The following STAB2 variants were observed in gnomAD, a reference collection of about 807,000 sequenced individuals.
STAB2 encodes stabilin-2.
A neutral mutation model predicts 338.1 loss-of-function variants in STAB2; 288 were observed. The ratio of observed to expected loss-of-function variants is 0.85; its 90% confidence interval spans 0.77 to 0.94. The LOEUF (loss-of-function observed/expected upper bound fraction) is 0.94. Among genes scored for constraint, STAB2 ranks in the 40% least tolerant of loss-of-function variants. The pLI, the probability that STAB2 is intolerant of heterozygous loss-of-function variation, is 0.00. For missense variants in STAB2, 3,141 were observed against 3,210.1 expected, an observed-to-expected ratio of 0.98 and a Z score of 0.52; for synonymous variants, 1,202 against 1,193.3, an observed-to-expected ratio of 1.01 and a Z score of -0.15.
chr12:103,610,068 G>A (rs1957097474), intron 3 of STAB2, among the ~76,000 whole-genome samples: 1 of 152,116 alleles, frequency 6.6e-6, no homozygotes, highest in Non-Finnish European at 1.5e-5. Flanking sequence ...GCTTTTTGAT[G>A]TGTTGCTGGA....
chr12:103,660,692 G>A lies in STAB2; in HGVS notation c.1798G>A (p.Ala600Thr). ...TCTCTTCTTATTGCAGCTTGAAGTG[G>A]CCACTCTCATCTCCACCCCTCACAT... ...HIVPFTQLEVATLISTPHIRS... is the reference protein window; with the variant it reads ...HIVPFTQLEVTTLISTPHIRS... The change falls in exon 17 of 69, where the codon GCC (alanine) becomes ACC (threonine). Residue 600 changes from alanine (A) to threonine (T), a missense_variant. Physicochemically the swap from Ala to Thr is moderately conservative, Grantham distance 58 (BLOSUM62 0). Transcript: ENST00000388887. 1.9e-6 allele frequency: 3 copies of A among 1,613,974 alleles called. No homozygotes were observed. Among genetic ancestry groups the A allele is most frequent in the South Asian group, 1.1e-5 (1 of 91,064 alleles).
chr12:103,721,439 C>T (rs1880754233), intron 44 of STAB2, among the ~76,000 whole-genome samples: 1 of 152,162 alleles, frequency 6.6e-6, no homozygotes, highest in Admixed American at 6.5e-5. Flanking sequence ...TGAGAGGGGC[C>T]AGATCACCTT....
chr12:103,760,387 C>A (rs181582686), intron 65 of STAB2, among the ~76,000 whole-genome samples: 5,876 of 152,192 alleles, frequency 0.039, 166 homozygotes, highest in Middle Eastern at 0.054. Context: ...CAGCCTCCCG[C>A]GTAGCTGGGA....
At chr12:103,741,327 T>TATC (rs1382405347) in intron 55 of STAB2, among the ~76,000 whole-genome samples, 15 of 152,354 alleles carry the variant, frequency 9.8e-5, no homozygotes, top group African/African-American at 3.6e-4. Flanking sequence ...TCAAAAGCAC[T>TATC]ATCTGCTACA....
At chr12:103,721,282 C>A (rs566500480) in intron 44 of STAB2, among the ~76,000 whole-genome samples, 2 of 152,098 alleles carry the variant, frequency 1.3e-5, no homozygotes, top group Non-Finnish European at 2.9e-5. Flanking sequence ...TGTTAAGAAG[C>A]GGGCAGCCAC....
intron 49 of STAB2, 140 bp downstream of exon 49, chr12:103,730,396 T>C (rs1881542334): frequency 1.0e-6 from 1 of 984,882 alleles, no homozygotes; most frequent in East Asian, 2.6e-5. Flanking sequence ...TAGTAAACAT[T>C]ATTCTTAGTA....
At chr12:103,674,529 C>G (rs1876147505) in intron 23 of STAB2, among the ~76,000 whole-genome samples, 1 of 152,212 alleles carries the variant, frequency 6.6e-6, no homozygotes, top group South Asian at 2.1e-4. Context: ...ACTTTCTAAC[C>G]TTTGAAGACA....
chr12:103,760,847 T>C (rs1017639832), intron 65 of STAB2, among the ~76,000 whole-genome samples: 2 of 152,244 alleles, frequency 1.3e-5, no homozygotes, highest in African/African-American at 4.8e-5. Flanking sequence ...TTTGTTAAAA[T>C]GAAGACGTGA....
chr12:103,660,982 C>T (rs1389051414), intron 17 of STAB2, among the ~76,000 whole-genome samples: 2 of 152,142 alleles, frequency 1.3e-5, no homozygotes, highest in East Asian at 1.9e-4. Context: ...AAAAGATAGA[C>T]TTCTATCCCA....
At chr12:103,743,893 ATCT>A (rs1882789279) in intron 56 of STAB2, among the ~76,000 whole-genome samples, 2 of 152,168 alleles carry the variant, frequency 1.3e-5, no homozygotes, top group Admixed American at 6.5e-5. Flanking sequence ...CAGGGGCCAG[ATCT>A]TCTTGGCCAA....
At chr12:103,660,915 G>C in intron 17 of STAB2, 152 bp downstream of exon 17, 3 of 837,120 alleles carry the variant, frequency 3.6e-6, no homozygotes, top group Non-Finnish European at 5.7e-6. Context: ...CAGCAGATAT[G>C]TGCTGAGCAA....
At chr12:103,638,322 G>T in intron 8 of STAB2, 110 bp downstream of exon 8, 4 of 1,265,310 alleles carry the variant, frequency 3.2e-6, no homozygotes, top group Non-Finnish European at 4.3e-6. Context: ...TCAATGTTCC[G>T]CTTGGTCTTC....
intron 67 of STAB2, 115 bp from the exon 68 acceptor site, chr12:103,763,377 G>A (rs1884683972): frequency 2.6e-6 from 2 of 772,688 alleles, no homozygotes; most frequent in Non-Finnish European, 4.4e-6. Flanking sequence ...ACAAAGTACT[G>A]TTAAAAAAGG....
At chr12:103,590,195 C>T (rs552272195) in intron 1 of STAB2, among the ~76,000 whole-genome samples, 1 of 152,278 alleles carries the variant, frequency 6.6e-6, no homozygotes, top group Non-Finnish European at 1.5e-5. Flanking sequence ...ATATCCACCA[C>T]CTTATGTTGC....
intron 42 of STAB2, among the ~76,000 whole-genome samples, chr12:103,715,309 AT>A (rs111345221): frequency 0.026 from 3,834 of 150,042 alleles, 162 homozygotes; most frequent in African/African-American, 0.087. Context: ...TTATACAGTT[AT>A]TTTTTTTTTC....
intron 25 of STAB2, among the ~76,000 whole-genome samples, chr12:103,680,946 G>A (rs1876843933): frequency 6.6e-6 from 1 of 152,254 alleles, no homozygotes; most frequent in African/African-American, 2.4e-5. Context: ...GTGAGGATAA[G>A]AGATTACCGT....
chr12:103,627,728 C>T (rs1304611960), intron 5 of STAB2, among the ~76,000 whole-genome samples: 1 of 152,180 alleles, frequency 6.6e-6, no homozygotes, highest in Non-Finnish European at 1.5e-5. Context: ...TGGGCCAATA[C>T]CACACAGCCA....
intron 12 of STAB2, 85 bp from the exon 13 acceptor site, chr12:103,654,470 G>A (rs1259792664): frequency 7.3e-7 from 1 of 1,378,902 alleles, no homozygotes; most frequent in African/African-American, 1.5e-5. Context: ...AAAGCCCAAG[G>A]ACTCAAGACT....
intron 3 of STAB2, among the ~76,000 whole-genome samples, chr12:103,617,822 G>A (rs1957234103): frequency 1.3e-5 from 2 of 152,228 alleles, no homozygotes; most frequent in African/African-American, 4.8e-5. Flanking sequence ...AAATGGTGCA[G>A]TAGATTCTGG....
Sources: gnomAD v4.1 joint callset for allele counts (sites outside exome capture counted in the v4.1 genomes callset) on GRCh38, gnomAD v4.1.1 for gene constraint, MANE v1.5 for transcripts, NCBI Gene and HGNC (gene_info 2026-07-23, HGNC 2026-07-21) for gene names.